RASGRF2: variants seen among roughly 807,000 people sequenced by gnomAD.
RASGRF2 encodes the protein Ras protein specific guanine nucleotide releasing factor 2, also known as ras-specific guanine nucleotide-releasing factor 2.
In RASGRF2, 76 loss-of-function variants were observed where a neutral mutation model predicts 151.0. The ratio of observed to expected loss-of-function variants is 0.50; its 90% confidence interval spans 0.42 to 0.61. RASGRF2 has a LOEUF of 0.61. Ranked by LOEUF, RASGRF2 falls within the 20% of genes least tolerant of loss-of-function variation. The probability of loss-of-function intolerance (pLI) is 0.00; values close to 1 mark genes in which losing one functional copy is unlikely to be tolerated. For synonymous variants in RASGRF2, 504 were observed against 566.5 expected (o/e 0.89, Z 1.57); for missense variants, 1,148 against 1,564.6 (o/e 0.73, Z 4.49).
At chr5:81,170,373 C>T (rs1182587593) in intron 17 of RASGRF2, among the ~76,000 whole-genome samples, 1 of 152,252 alleles carries the variant, frequency 6.6e-6, no homozygotes, top group Non-Finnish European at 1.5e-5. Flanking sequence ...GGGCAAAACC[C>T]GCTGATGGCT....
chr5:81,077,870 C>G (rs764860559), intron 5 of RASGRF2, among the ~76,000 whole-genome samples: 1 of 152,084 alleles, frequency 6.6e-6, no homozygotes, highest in African/African-American at 2.4e-5. Context: ...TTTTAGGTTG[C>G]CTCTGGCTCT....
intron 7 of RASGRF2, among the ~76,000 whole-genome samples, chr5:81,082,091 G>A (rs1245075117): frequency 6.6e-6 from 1 of 152,230 alleles, no homozygotes; most frequent in East Asian, 1.9e-4. Flanking sequence ...TATCTGTTCC[G>A]TAACCCCAAG....
chr5:81,080,580 T>G lies in RASGRF2; in HGVS notation c.968-16T>G, dbSNP rs745619113. Reference sequence around the variant, plus strand: ...AAGCAACAAGGGAAACAGCCGTGTTTACTGTTTCTTTGCAGCTGATCTGTT... The same window carrying G: ...AAGCAACAAGGGAAACAGCCGTGTTGACTGTTTCTTTGCAGCTGATCTGTT... On this transcript the variant is annotated splice_polypyrimidine_tract_variant and intron_variant, in intron 6 of 26. Coordinates refer to ENST00000265080, the MANE Select transcript of RASGRF2 (RefSeq NM_006909.3). 1.0e-5 allele frequency: 16 copies of G among 1,605,772 alleles called. No individual in the cohort carries two copies. The Admixed American group carries it at 1.8e-4, about 18-fold the overall frequency.
chr5:81,025,661 TGTC>T (rs1465580344), intron 1 of RASGRF2, among the ~76,000 whole-genome samples: 1 of 152,220 alleles, frequency 6.6e-6, no homozygotes, highest in Non-Finnish European at 1.5e-5. Flanking sequence ...TTCTGTTTGT[TGTC>T]CGGAGGCAGC....
intron 1 of RASGRF2, among the ~76,000 whole-genome samples, chr5:81,009,187 G>A (rs949679825): frequency 6.6e-6 from 1 of 152,180 alleles, no homozygotes; most frequent in Non-Finnish European, 1.5e-5. Flanking sequence ...ACGAGAACTC[G>A]ATGAGAAAAT....
chr5:81,101,610 C>T (rs1752700837), intron 12 of RASGRF2, among the ~76,000 whole-genome samples: 1 of 152,042 alleles, frequency 6.6e-6, no homozygotes, highest in Non-Finnish European at 1.5e-5. Flanking sequence ...TCTATCATCT[C>T]TCTCTGTCTC....
At chr5:81,166,636 T>C (rs940251830) in intron 17 of RASGRF2, among the ~76,000 whole-genome samples, 2 of 142,258 alleles carry the variant, frequency 1.4e-5, no homozygotes, top group Non-Finnish European at 3.1e-5. Context: ...ACGGGAGGGA[T>C]TTATGGATAC....
chr5:81,109,135 G>T, intron 13 of RASGRF2, 57 bp downstream of exon 13: 1 of 1,568,042 alleles, frequency 6.4e-7, no homozygotes, highest in Non-Finnish European at 8.7e-7. Flanking sequence ...GGCGGAACAT[G>T]TAAAACCTTG....
intron 17 of RASGRF2, among the ~76,000 whole-genome samples, chr5:81,173,099 G>A (rs576371334): frequency 4.0e-4 from 61 of 152,236 alleles, no homozygotes; most frequent in Admixed American, 7.2e-4. Context: ...CAGTTAGGCC[G>A]GGCGCAGTGG....
chr5:81,052,650 A>G (rs580004), intron 2 of RASGRF2, among the ~76,000 whole-genome samples: 56,471 of 151,992 alleles, frequency 0.37, 10,782 homozygotes, highest in Middle Eastern at 0.62. Context: ...TAATTAGCCA[A>G]TGAAGTGGAG....
At chr5:80,982,721 C>T (rs1370468224) in intron 1 of RASGRF2, among the ~76,000 whole-genome samples, 1 of 151,764 alleles carries the variant, frequency 6.6e-6, no homozygotes, top group Non-Finnish European at 1.5e-5. Flanking sequence ...CTGCCTCAGT[C>T]TCCCGAGTAG....
chr5:81,039,073 TAAAG>T (rs1034700935), intron 1 of RASGRF2, among the ~76,000 whole-genome samples: 1 of 152,216 alleles, frequency 6.6e-6, no homozygotes, highest in African/African-American at 2.4e-5. Context: ...CCCAAGATCA[TAAAG>T]ATATTCTCTT....
intron 7 of RASGRF2, among the ~76,000 whole-genome samples, chr5:81,084,587 G>A (rs1258694872): frequency 1.3e-5 from 2 of 152,172 alleles, no homozygotes; most frequent in Admixed American, 1.3e-4. Flanking sequence ...TTCAATGTCT[G>A]TGCTAATGGT....
rs1183992975 is a variant in RASGRF2 at position 80,961,020 on chromosome 5, C to T, written c.282C>T (p.Asp94=). The T allele has an allele frequency of 6.8e-7, 1 of 1,476,476 alleles. No individual in the cohort carries two copies. The highest frequency in any genetic ancestry group is 9.0e-7 in the Non-Finnish European group (1 of 1,108,272). 91.5% of individuals were successfully genotyped at this position (1,476,476 alleles called of 1,614,324 possible). ...AGQGGVRDAL[D]KQYYFTVLFG... is the part of the protein sequence containing the mutation. ...AGGGAGGCGTCCGAGACGCGCTGGA[C>T]AAGCAGGTACCGCGCGCCTTCTCTC... Residue 94 remains aspartate (D), a synonymous_variant, in exon 1 of 27, where the codon GAC becomes GAT. Coordinates refer to ENST00000265080, the MANE Select transcript of RASGRF2 (RefSeq NM_006909.3).
intron 10 of RASGRF2, 38 bp downstream of exon 10, chr5:81,092,999 G>A (rs1254994587): frequency 6.5e-7 from 1 of 1,534,218 alleles, no homozygotes; most frequent in African/African-American, 1.4e-5. Flanking sequence ...TATCTTCCAA[G>A]CACTTACAAG....
intron 1 of RASGRF2, among the ~76,000 whole-genome samples, chr5:80,961,586 T>G (rs1747558240): frequency 6.6e-6 from 1 of 152,188 alleles, no homozygotes; most frequent in African/African-American, 2.4e-5. Flanking sequence ...CTTGCTAACA[T>G]TTGACCTGCT....
chr5:81,021,967 A>T (rs1276804845), intron 1 of RASGRF2, among the ~76,000 whole-genome samples: 4 of 152,168 alleles, frequency 2.6e-5, no homozygotes, highest in Non-Finnish European at 5.9e-5. Flanking sequence ...GTGCTGAGTC[A>T]GTTCCTTGGT....
chr5:81,128,244 C>T (rs1372567776), intron 17 of RASGRF2, among the ~76,000 whole-genome samples: 1 of 152,078 alleles, frequency 6.6e-6, no homozygotes, highest in African/African-American at 2.4e-5. Context: ...TAAAAATGTA[C>T]CGCATACTTG....
intron 12 of RASGRF2, among the ~76,000 whole-genome samples, chr5:81,105,053 C>A (rs184036223): frequency 6.6e-6 from 1 of 152,070 alleles, no homozygotes; most frequent in African/African-American, 2.4e-5. Flanking sequence ...TTTCAAAAAG[C>A]AAAAACTGCT....
Sources: gnomAD v4.1 joint callset for allele counts (sites outside exome capture counted in the v4.1 genomes callset) on GRCh38, gnomAD v4.1.1 for gene constraint, MANE v1.5 for transcripts, NCBI Gene and HGNC (gene_info 2026-07-23, HGNC 2026-07-21) for gene names.